The following METTL25 variants were observed in gnomAD, a reference collection of about 807,000 sequenced individuals.
The protein encoded by METTL25 is methyltransferase like 25.
A neutral mutation model predicts 71.6 loss-of-function variants in METTL25; 64 were observed. That is an observed-to-expected ratio of 0.89 (90% CI 0.73 to 1.10). The LOEUF is 1.10. Ranked by LOEUF, METTL25 falls within the 50% of genes least tolerant of loss-of-function variation. METTL25 has a pLI of 0.00. For synonymous variants in METTL25, 287 were observed against 250.3 expected, an observed-to-expected ratio of 1.15 and a Z score of -1.38; for missense variants, 807 against 707.0, an observed-to-expected ratio of 1.14 and a Z score of -1.60.
intron 1 of METTL25, among the ~76,000 whole-genome samples, chr12:82,381,380 A>G (rs965780150): frequency 1.3e-5 from 2 of 152,196 alleles, no homozygotes; most frequent in Non-Finnish European, 2.9e-5. Flanking sequence ...TATACATTCA[A>G]TGTGATGTTA....
chr12:82,384,615 T>TTA (rs1555204219), intron 1 of METTL25, among the ~76,000 whole-genome samples: 3 of 151,254 alleles, frequency 2.0e-5, no homozygotes, highest in Non-Finnish European at 3.0e-5. Context: ...TACCCTTTTT[T>TTA]AAAAAAAAAT....
chr12:82,443,488 A>G (rs1478103385), intron 8 of METTL25, among the ~76,000 whole-genome samples: 1 of 151,920 alleles, frequency 6.6e-6, no homozygotes, highest in Non-Finnish European at 1.5e-5. Flanking sequence ...AAGAAAAAAA[A>G]GAATGCAGTA....
intron 6 of METTL25, among the ~76,000 whole-genome samples, chr12:82,433,554 A>T (rs1889687385): frequency 1.3e-5 from 2 of 151,400 alleles, no homozygotes; most frequent in Admixed American, 1.3e-4. Context: ...TTTCCCACTA[A>T]CTCCACATGG....
At chr12:82,406,098 T>C (rs1354137393) in intron 5 of METTL25, among the ~76,000 whole-genome samples, 1 of 151,918 alleles carries the variant, frequency 6.6e-6, no homozygotes, top group Non-Finnish European at 1.5e-5. Context: ...ATAGGAAAAA[T>C]AGATGACAAG....
chr12:82,459,554 G>A (rs1032543620), intron 9 of METTL25, among the ~76,000 whole-genome samples: 2 of 152,186 alleles, frequency 1.3e-5, no homozygotes, highest in African/African-American at 2.4e-5. Context: ...TTGAGCCCAG[G>A]AGTTTGAGGC....
intron 8 of METTL25, among the ~76,000 whole-genome samples, chr12:82,450,970 A>G (rs922331802): frequency 6.9e-6 from 1 of 145,364 alleles, no homozygotes; most frequent in Non-Finnish European, 1.6e-5. Flanking sequence ...AGCTCTTACT[A>G]TCTAATATAT....
At chr12:82,365,296 C>G (rs1255233685) in intron 1 of METTL25, among the ~76,000 whole-genome samples, 4 of 152,060 alleles carry the variant, frequency 2.6e-5, no homozygotes. Flanking sequence ...ACTGTTCTTT[C>G]CCTATGTGGA....
At position 82,443,632 on chromosome 12, in the gene METTL25, T is replaced by A. The variant is rs564608574; in HGVS notation, c.1478+4841T>A. Among the ~76,000 whole-genome samples, 8 of 152,264 alleles carry A rather than the reference T, an allele frequency of 5.3e-5. No homozygotes were observed. The South Asian group carries it at 1.7e-3, about 32-fold the overall frequency. The stretch of plus-strand genomic sequence containing the variant: ...TTATTTGGCTCACAGTTAAGCAGAC[T>A]ATACAAGAAGAATGGTCCCAACATC... On this transcript the variant is annotated intron_variant, in intron 8 of 11. Coordinates refer to ENST00000248306, the MANE Select transcript of METTL25 (RefSeq NM_032230.3).
chr12:82,383,043 A>G (rs536117869), intron 1 of METTL25, among the ~76,000 whole-genome samples: 1 of 152,124 alleles, frequency 6.6e-6, no homozygotes, highest in Non-Finnish European at 1.5e-5. Context: ...CTTTTTGTGG[A>G]GAGGGAGGTG....
chr12:82,400,358 G>T (rs1316920947), intron 4 of METTL25, among the ~76,000 whole-genome samples: 2 of 148,358 alleles, frequency 1.3e-5, no homozygotes, highest in Admixed American at 6.6e-5. Context: ...AAGAAAAAAA[G>T]AAATGTATAA....
At chr12:82,404,799 C>T (rs1886942628) in intron 5 of METTL25, among the ~76,000 whole-genome samples, 1 of 152,070 alleles carries the variant, frequency 6.6e-6, no homozygotes, top group Non-Finnish European at 1.5e-5. Context: ...AAAAAATTAG[C>T]TGGCCATGGT....
At chr12:82,429,863 A>G (rs1271524848) in intron 5 of METTL25, among the ~76,000 whole-genome samples, 2 of 151,486 alleles carry the variant, frequency 1.3e-5, no homozygotes, top group Non-Finnish European at 1.5e-5. Flanking sequence ...GATTATCAGT[A>G]GGGTCTGTTA....
At chr12:82,427,997 C>T (rs913268014) in intron 5 of METTL25, among the ~76,000 whole-genome samples, 2 of 151,934 alleles carry the variant, frequency 1.3e-5, no homozygotes, top group East Asian at 1.9e-4. Context: ...TTACAGGAAC[C>T]GAAGGTTCTT....
chr12:82,451,324 T>G, intron 8 of METTL25: 1 of 922,570 alleles, frequency 1.1e-6, no homozygotes, highest in Non-Finnish European at 1.3e-6. Context: ...ATTAAGAACA[T>G]AAGCACAGGA....
chr12:82,371,864 C>G (rs1275145778), intron 1 of METTL25, among the ~76,000 whole-genome samples: 1 of 152,112 alleles, frequency 6.6e-6, no homozygotes, highest in African/African-American at 2.4e-5. Context: ...AATTTATGGA[C>G]TTTTTCCTAA....
Position 82,386,907 on chromosome 12 carries a change from A to T in METTL25, c.364A>T (p.Ile122Leu). The T allele has an allele frequency of 6.2e-7, 1 of 1,613,534 alleles. No individual in the cohort carries two copies. Among genetic ancestry groups the T allele is most frequent in the Non-Finnish European group, 8.5e-7 (1 of 1,179,642 alleles). Residue 122 changes from isoleucine (I) to leucine (L), a missense_variant, in exon 2 of 12, where the codon ATA (isoleucine) becomes TTA (leucine). Physicochemically the swap from Ile to Leu is conservative, Grantham distance 5. Coordinates refer to ENST00000248306, the MANE Select transcript of METTL25 (RefSeq NM_032230.3). ...AKYYSVQNLG[I>L]CTPFEQLLVA... ...ATACTATTCTGTACAAAACTTGGGA[A>T]TATGTACTCCTTTTGAACAGTTGCT...
chr12:82,425,214 G>A (rs940755802), intron 5 of METTL25, among the ~76,000 whole-genome samples: 9 of 152,156 alleles, frequency 5.9e-5, no homozygotes, highest in African/African-American at 2.2e-4. Flanking sequence ...CCCACCTTGT[G>A]CTTTAAAAAG....
At chr12:82,443,935 A>G (rs1387755627) in intron 8 of METTL25, among the ~76,000 whole-genome samples, 2 of 152,134 alleles carry the variant, frequency 1.3e-5, no homozygotes, top group African/African-American at 4.8e-5. Flanking sequence ...TCAAATTTCA[A>G]CATGAGGTTT....
chr12:82,438,016 T>C (rs1347620856), intron 7 of METTL25, among the ~76,000 whole-genome samples: 4 of 151,702 alleles, frequency 2.6e-5, no homozygotes, highest in African/African-American at 9.7e-5. Context: ...TAAATAGTAA[T>C]GTTTTACTTT....
Sources: allele counts gnomAD v4.1 joint callset (sites outside exome capture counted in the v4.1 genomes callset), GRCh38; gene constraint gnomAD v4.1.1; transcripts MANE v1.5; gene names NCBI Gene and HGNC (gene_info 2026-07-23, HGNC 2026-07-21).